The following DLEU7 variants were observed in gnomAD, a reference collection of about 807,000 sequenced individuals.
The protein encoded by DLEU7 is leukemia-associated protein 7.
In DLEU7, 17 loss-of-function variants were observed where a neutral mutation model predicts 16.0. The ratio of observed to expected loss-of-function variants is 1.06; its 90% confidence interval spans 0.73 to 1.59. DLEU7 has a LOEUF of 1.59. DLEU7 is among the 40% of genes most tolerant of loss of function. The pLI is 0.00. For missense variants in DLEU7, 308 were observed against 314.9 expected (o/e 0.98, Z 0.17); for synonymous variants, 113 against 139.8 (o/e 0.81, Z 1.35).
rs191823504 is a variant in DLEU7, at chr13:50,742,243, A to C, written c.460-29003T>G. On this transcript the variant is annotated intron_variant, in intron 1 of 1. Transcript: ENST00000400393. ...GTTTTCCAATTTTCTGAAAAAAAGG[A>C]ATGCAATCAACGAATCAATAAAAGA... is the stretch of plus-strand genomic sequence containing the variant. Among the ~76,000 whole-genome samples, 596 of 152,328 alleles carry C rather than the reference A, an allele frequency of 3.9e-3. 3 individuals are homozygous for C. The highest frequency in any genetic ancestry group is 4.7e-3 in the Non-Finnish European group (319 of 68,030).
chr13:50,768,842 T>G (rs1469502104), intron 1 of DLEU7, among the ~76,000 whole-genome samples: 1 of 152,202 alleles, frequency 6.6e-6, no homozygotes. Flanking sequence ...TAGTTCTAGA[T>G]CCTTGAGGAA....
At chr13:50,772,226 C>G (rs1197431630) in intron 1 of DLEU7, among the ~76,000 whole-genome samples, 4 of 152,238 alleles carry the variant, frequency 2.6e-5, no homozygotes, top group South Asian at 2.1e-4. Context: ...TCCAATTTGC[C>G]AGTCTGTGTC....
rs530654452 is a variant in DLEU7 at position 50,761,581 on chromosome 13, T to G, written c.460-48341A>C. ...GGATCACATGGCCTCTCCCATCCAA[T>G]GCCTGCACCAACCAGGTCGCTTTCA... On this transcript the variant is annotated intron_variant, in intron 1 of 1. Transcript: ENST00000400393. Among the ~76,000 whole-genome samples, 123 of 152,090 alleles carry G rather than the reference T, an allele frequency of 8.1e-4. 2 individuals are homozygous for G. In the South Asian group the frequency reaches 0.025, roughly 30 times the overall value.
Position 50,790,927 on chromosome 13 carries a change from G to A in DLEU7, c.459+52261C>T, listed in dbSNP as rs576864029. ...TGCCCAAGCTGAATAAGCTCACTTC[G>A]GCTATACCCAAAGAAGGCAGAAAAG... On this transcript the variant is annotated intron_variant, in intron 1 of 1. Coordinates refer to the DLEU7 transcript ENST00000400393. 2.6e-5 allele frequency among the ~76,000 whole-genome samples: 4 copies of A among 152,160 alleles called. No homozygotes were observed. In the East Asian group the frequency reaches 5.8e-4, roughly 22 times the overall value.
At chr13:50,825,160 T>C (rs1593411429) in intron 1 of DLEU7, among the ~76,000 whole-genome samples, 1 of 152,278 alleles carries the variant, frequency 6.6e-6, no homozygotes. Context: ...CATCCTTAAG[T>C]ATTTCTGCAT....
At chr13:50,724,965 G>T (rs1028682960) in intron 1 of DLEU7, among the ~76,000 whole-genome samples, 4 of 152,082 alleles carry the variant, frequency 2.6e-5, no homozygotes, top group African/African-American at 7.2e-5. Flanking sequence ...CACAACAAAG[G>T]GCAGAAGGCC....
chr13:50,795,972 C>T (rs141179448), intron 1 of DLEU7, among the ~76,000 whole-genome samples: 555 of 152,224 alleles, frequency 3.6e-3, no homozygotes, highest in Middle Eastern at 0.01. Flanking sequence ...TTAGGAACTA[C>T]GTACTTTTCA....
At chr13:50,800,460 G>C (rs916920644) in intron 1 of DLEU7, among the ~76,000 whole-genome samples, 2 of 152,160 alleles carry the variant, frequency 1.3e-5, no homozygotes, top group Admixed American at 6.5e-5. Flanking sequence ...GGAATGAAGG[G>C]GCCTCCTCAC....
rs529868975 is a variant in DLEU7, at chr13:50,755,133, G to A, written c.460-41893C>T. On this transcript the variant is annotated intron_variant, in intron 1 of 1. Coordinates refer to the DLEU7 transcript ENST00000400393. ...CATAGCTCTTAAGATTCCTTCCTTC[G>A]TCTTAACTTTAGATACCCTGATGAC... 5.9e-5 allele frequency among the ~76,000 whole-genome samples: 9 copies of A among 152,172 alleles called. No homozygotes were observed. The South Asian group carries it at 1.2e-3, about 21-fold the overall frequency.
chr13:50,788,680 G>C (rs1009026918), intron 1 of DLEU7, among the ~76,000 whole-genome samples: 2 of 152,170 alleles, frequency 1.3e-5, no homozygotes, highest in African/African-American at 4.8e-5. Context: ...TTTCCTGAGA[G>C]GAAAATAGCA....
intron 1 of DLEU7, among the ~76,000 whole-genome samples, chr13:50,812,349 C>T (rs1054115112): frequency 2.0e-5 from 3 of 152,108 alleles, no homozygotes; most frequent in Non-Finnish European, 2.9e-5. Context: ...TTGAGACCTC[C>T]GGCGAAGATG....
At chr13:50,841,815 T>TA (rs1354827468) in intron 1 of DLEU7, among the ~76,000 whole-genome samples, 3 of 151,548 alleles carry the variant, frequency 2.0e-5, no homozygotes, top group African/African-American at 4.8e-5. Context: ...ATGACAGGAT[T>TA]AAAAAAAATT....
chr13:50,785,417 T>A (rs1216131945), intron 1 of DLEU7, among the ~76,000 whole-genome samples: 1 of 152,210 alleles, frequency 6.6e-6, no homozygotes, highest in Non-Finnish European at 1.5e-5. Flanking sequence ...TCACCTAGAA[T>A]TTTGCTCTAT....
chr13:50,804,381 G>A lies in DLEU7; in HGVS notation c.459+38807C>T, dbSNP rs951847913. On this transcript the variant is annotated intron_variant, in intron 1 of 1. Coordinates refer to the DLEU7 transcript ENST00000400393. Reference sequence around the variant, plus strand: ...TATATCTGTTCAAGTGTTCTTTTGTGTCCACAAGAGACAGTGTAATGTTGT... The same window carrying A: ...TATATCTGTTCAAGTGTTCTTTTGTATCCACAAGAGACAGTGTAATGTTGT... Among the ~76,000 whole-genome samples the A allele has an allele frequency of 2.0e-5, 3 of 149,680 alleles. No individual in the cohort carries two copies. In the South Asian group the frequency reaches 6.3e-4, roughly 31 times the overall value.
intron 1 of DLEU7, among the ~76,000 whole-genome samples, chr13:50,713,917 C>T (rs1020447181): frequency 1.3e-5 from 2 of 152,202 alleles, no homozygotes; most frequent in Admixed American, 6.5e-5. Flanking sequence ...AGACTCTGCC[C>T]GCATGTGGCC....
chr13:50,809,225 G>A (rs919620228), intron 1 of DLEU7, among the ~76,000 whole-genome samples: 3 of 152,072 alleles, frequency 2.0e-5, no homozygotes, highest in Admixed American at 2.0e-4. Flanking sequence ...TAAAACCGAA[G>A]AAATTTATTT....
intron 1 of DLEU7, among the ~76,000 whole-genome samples, chr13:50,833,613 G>A (rs2137811503): frequency 6.6e-6 from 1 of 152,286 alleles, no homozygotes; most frequent in South Asian, 2.1e-4. Flanking sequence ...TGGTCATACT[G>A]CCCAAGGTAA....
intron 1 of DLEU7, among the ~76,000 whole-genome samples, chr13:50,756,326 G>A (rs185832572): frequency 3.9e-5 from 6 of 152,268 alleles, no homozygotes; most frequent in Admixed American, 3.9e-4. Context: ...AATAGGGAAG[G>A]CCCATCAGGT....
At chr13:50,784,106 T>C (rs182851114) in intron 1 of DLEU7, among the ~76,000 whole-genome samples, 1 of 152,264 alleles carries the variant, frequency 6.6e-6, no homozygotes, top group African/African-American at 2.4e-5. Flanking sequence ...TGTCTAGAGC[T>C]GTGAGATGTT....
Sources: gnomAD v4.1 joint callset for allele counts (sites outside exome capture counted in the v4.1 genomes callset) on GRCh38, gnomAD v4.1.1 for gene constraint, MANE v1.5 for transcripts, NCBI Gene and HGNC (gene_info 2026-07-23, HGNC 2026-07-21) for gene names.